Variants in CAPN2 observed in about 807,000 individuals in gnomAD.
CAPN2 encodes calpain-2 catalytic subunit.
In CAPN2, 92 loss-of-function variants were observed where a neutral mutation model predicts 102.3. The observed-to-expected ratio is 0.90, with a 90% confidence interval of 0.76 to 1.07. The LOEUF (loss-of-function observed/expected upper bound fraction) is 1.07. CAPN2 is among the 50% of genes least tolerant of loss of function. The pLI is 0.00. For synonymous variants in CAPN2, 340 were observed against 355.4 expected (o/e 0.96, Z 0.49); for missense variants, 800 against 909.4 (o/e 0.88, Z 1.55).
intron 16 of CAPN2, 98 bp downstream of exon 16, chr1:223,766,529 C>A: frequency 1.1e-6 from 1 of 945,954 alleles, no homozygotes; most frequent in South Asian, 1.4e-5. Flanking sequence ...TTCAAAATAG[C>A]CAGTTGTTCC....
chr1:223,761,463 T>G, intron 12 of CAPN2, 118 bp from the exon 13 acceptor site: 8 of 539,778 alleles, frequency 1.5e-5, no homozygotes, highest in East Asian at 7.2e-5. Context: ...ACCGCAGCCC[T>G]GCCCCACCCC....
At chr1:223,712,342 G>C (rs969932064), upstream of CAPN2, 9 of 659,934 alleles carry the variant, frequency 1.4e-5, no homozygotes, top group African/African-American at 1.8e-4. Context: ...CCTCCCCGGC[G>C]CCGGGCCGCG....
Position 223,755,305 on chromosome 1 carries a change from C to T in CAPN2, c.1136-175C>T, listed in dbSNP as rs774256557. Among the ~76,000 whole-genome samples the T allele has an allele frequency of 5.3e-5, 8 of 152,084 alleles. No individual in the cohort carries two copies. Among genetic ancestry groups the T allele is most frequent in the Non-Finnish European group, 7.4e-5 (5 of 68,016 alleles). ...CCCGCTGTCTCCCACCATCTTCTGC[C>T]ATACTCTGCCATCTCCCACCATCCC... On this transcript the variant is annotated intron_variant, in intron 9 of 20. Coordinates refer to ENST00000295006, the MANE Select transcript of CAPN2 (RefSeq NM_001748.5). This position sits in a 1 kb window ranked among gnomAD's most constrained non-coding sequence, Gnocchi z 4.1.
At chr1:223,714,931 G>A (rs1571778891) in intron 1 of CAPN2, among the ~76,000 whole-genome samples, 2 of 152,172 alleles carry the variant, frequency 1.3e-5, no homozygotes, top group Non-Finnish European at 2.9e-5. Context: ...TAGGGCAGGC[G>A]GGCTGTGCAC....
At chr1:223,764,994 G>C (rs1435633177) in intron 15 of CAPN2, among the ~76,000 whole-genome samples, 1 of 152,198 alleles carries the variant, frequency 6.6e-6, no homozygotes, top group Non-Finnish European at 1.5e-5. Context: ...ACAACACAGA[G>C]ACATTTTTTC....
rs776737667 is a variant in CAPN2 at position 223,752,825 on chromosome 1, A to G, written c.1004A>G (p.Tyr335Cys). The G allele has an allele frequency of 5.6e-6, 9 of 1,614,112 alleles. No homozygotes were observed. The highest frequency in any genetic ancestry group is 5.5e-5 in the South Asian group (5 of 91,084). ...TCTTTCAGTGACTTCCTGAGGCACT[A>G]TTCCCGCCTGGAGATCTGTAACCTG... ...WMSFSDFLRHYSRLEICNLTP... is the reference protein window; with the variant it reads ...WMSFSDFLRHCSRLEICNLTP... Residue 335 changes from tyrosine (Y) to cysteine (C), a missense_variant, in exon 9 of 21, where the codon TAT becomes TGT. Coordinates refer to ENST00000295006, the MANE Select transcript of CAPN2 (RefSeq NM_001748.5).
Position 223,755,440 on chromosome 1 carries a change from C to T in CAPN2, c.1136-40C>T. On this transcript the variant is annotated intron_variant, in intron 9 of 20. Coordinates refer to ENST00000295006, the MANE Select transcript of CAPN2 (RefSeq NM_001748.5). The surrounding 1 kb of genome is among the most constrained non-coding windows in gnomAD (Gnocchi z 4.1). The stretch of plus-strand genomic sequence containing the variant: ...GGCCACCCCCCACCCCCATGCATTC[C>T]TGCTCAGGGCTGGGCTCCTCTGCCC... 1.2e-6 allele frequency: 2 copies of T among 1,609,158 alleles called. No homozygotes were observed. The highest frequency in any genetic ancestry group is 1.7e-6 in the Non-Finnish European group (2 of 1,177,212).
intron 2 of CAPN2, among the ~76,000 whole-genome samples, chr1:223,740,364 G>A (rs142665636): frequency 1.2e-3 from 184 of 152,296 alleles, no homozygotes; most frequent in African/African-American, 3.9e-3. Flanking sequence ...GTTTTGCCAC[G>A]AGAGTACACC....
At chr1:223,719,538 C>CA (rs985961396) in intron 2 of CAPN2, among the ~76,000 whole-genome samples, 23 of 150,124 alleles carry the variant, frequency 1.5e-4, no homozygotes, top group Admixed American at 7.3e-4. Context: ...GACCCCATCT[C>CA]AAAAAAAAAG....
At chr1:223,748,945 G>C (rs1242791531) in intron 5 of CAPN2, 94 bp from the exon 6 acceptor site, 6 of 1,184,286 alleles carry the variant, frequency 5.1e-6, no homozygotes, top group African/African-American at 1.5e-5. Context: ...TAGTGCGTCC[G>C]GCGGTCCCGC....
At position 223,771,711 on chromosome 1, in the gene CAPN2, C is replaced by G; in HGVS notation, c.1904-98C>G. 3 of 802,450 alleles carry G rather than the reference C, an allele frequency of 3.7e-6. No individual in the cohort carries two copies. The Admixed American group carries it at 5.7e-5, about 15-fold the overall frequency. 49.7% of individuals were successfully genotyped at this position (802,450 alleles called of 1,614,324 possible). A position where few individuals can be genotyped will look rare whatever the true frequency, so the allele number is the denominator to read the frequency against. The stretch of plus-strand genomic sequence containing the variant: ...AGCCAAGGGACAAAAGCAATTATAC[C>G]TCATTTAAATCACCACATTAGTTTC... On this transcript the variant is annotated intron_variant, in intron 18 of 20. Transcript: ENST00000295006.
intron 8 of CAPN2, among the ~76,000 whole-genome samples, chr1:223,752,463 A>G (rs6688648): frequency 0.011 from 1,609 of 152,226 alleles, 22 homozygotes; most frequent in African/African-American, 0.037. Context: ...TGTCTGCGCC[A>G]CTCTATAACC....
chr1:223,767,346 C>A (rs1235277297), intron 16 of CAPN2, among the ~76,000 whole-genome samples: 1 of 120,200 alleles, frequency 8.3e-6, no homozygotes, highest in African/African-American at 3.1e-5. Context: ...CCCCTCCCCC[C>A]ACCCCACAAC....
In CAPN2 at chr1:223,727,225, A is replaced by C. The variant is rs1356404968; in HGVS notation, c.307+9394A>C. 6.6e-6 allele frequency among the ~76,000 whole-genome samples: 1 copy of C among 152,226 alleles called. No homozygotes were observed. The highest frequency in any genetic ancestry group is 1.5e-5 in the Non-Finnish European group (1 of 68,044). ...GTATCTAGCTGTCAGCATGCAAAAC[A>C]AAAGAACAAAAGGTCTAAAGAAATA... On this transcript the variant is annotated intron_variant, in intron 2 of 20. Transcript: ENST00000295006. This position sits in a 1 kb window ranked among gnomAD's most constrained non-coding sequence, Gnocchi z 4.1.
At chr1:223,765,522 G>A (rs1661289856) in intron 15 of CAPN2, among the ~76,000 whole-genome samples, 1 of 151,842 alleles carries the variant, frequency 6.6e-6, no homozygotes, top group Non-Finnish European at 1.5e-5. Flanking sequence ...GGAGGGTGGG[G>A]CTGGGAGGTG....
rs544317649 is a variant in CAPN2, at chr1:223,750,926, A to G, written c.850A>G (p.Ile284Val). ...CGGAAGCCTACAGAAACTGATCCGC[A>G]TCCGAAATCCCTGGGGAGAAGTGGA... ...SNGSLQKLIR[I>V]RNPWGEVEWT... Residue 284 changes from isoleucine to valine, a missense_variant, in exon 7 of 21, where the codon ATC becomes GTC. Coordinates refer to ENST00000295006, the MANE Select transcript of CAPN2 (RefSeq NM_001748.5). 21 of 1,552,712 alleles carry G rather than the reference A, an allele frequency of 1.4e-5. No individual in the cohort carries two copies. In the South Asian group the frequency reaches 2.0e-4, roughly 15 times the overall value.
At chr1:223,761,648 C>G (rs1374211372) in intron 13 of CAPN2, 31 bp downstream of exon 13, 1 of 1,581,842 alleles carries the variant, frequency 6.3e-7, no homozygotes, top group African/African-American at 1.3e-5. Context: ...TTCACCCACT[C>G]TGTCCTGGAC....
intron 1 of CAPN2, among the ~76,000 whole-genome samples, chr1:223,702,729 C>A (rs1659516567): frequency 6.6e-6 from 1 of 152,160 alleles, no homozygotes; most frequent in African/African-American, 2.4e-5. Context: ...AGCACTGCTA[C>A]ATTTCCAAGT....
chr1:223,750,127 T>TCA (rs913569239), intron 6 of CAPN2, among the ~76,000 whole-genome samples: 3 of 152,084 alleles, frequency 2.0e-5, no homozygotes, highest in African/African-American at 7.2e-5. Context: ...AACTACCCCC[T>TCA]CACACACACA....
Sources: gnomAD v4.1 joint callset for allele counts (sites outside exome capture counted in the v4.1 genomes callset) on GRCh38, gnomAD v4.1.1 for gene constraint, Gnocchi (gnomAD v3.1) non-coding constraint, MANE v1.5 for transcripts, NCBI Gene and HGNC (gene_info 2026-07-23, HGNC 2026-07-21) for gene names.